MAGI2: variants seen among roughly 807,000 people sequenced by gnomAD.
MAGI2 encodes membrane associated guanylate kinase, WW and PDZ domain containing 2.
A neutral mutation model predicts 133.3 loss-of-function variants in MAGI2; 35 were observed. The observed-to-expected ratio is 0.26, with a 90% CI of 0.20 to 0.35. The LOEUF (loss-of-function observed/expected upper bound fraction) is 0.35. MAGI2 is among the 10% of genes least tolerant of loss of function. The pLI, the probability that MAGI2 is intolerant of heterozygous loss-of-function variation, is 1.00. For synonymous variants in MAGI2, 729 were observed against 710.6 expected (o/e 1.03, Z -0.41); for missense variants, 1,636 against 1,863.4 (o/e 0.88, Z 2.25).
intron 2 of MAGI2, among the ~76,000 whole-genome samples, chr7:78,911,068 C>G (rs1798364804): frequency 6.6e-6 from 1 of 152,160 alleles, no homozygotes; most frequent in Non-Finnish European, 1.5e-5. Context: ...TCTGCTTTTG[C>G]TTCCCTTGTC....
chr7:78,521,195 T>G (rs1409320720), intron 4 of MAGI2, among the ~76,000 whole-genome samples: 1 of 136,236 alleles, frequency 7.3e-6, no homozygotes, highest in African/African-American at 3.0e-5. Flanking sequence ...AAAATGTTTT[T>G]GGCATATTCT....
intron 1 of MAGI2, among the ~76,000 whole-genome samples, chr7:79,253,674 T>C (rs1471165362): frequency 6.6e-6 from 1 of 152,082 alleles, no homozygotes; most frequent in African/African-American, 2.4e-5. Context: ...TTTAAAACTG[T>C]TAACATTTAC....
chr7:78,064,303 G>A (rs758246550), intron 21 of MAGI2, among the ~76,000 whole-genome samples: 6 of 150,474 alleles, frequency 4.0e-5, no homozygotes, highest in Non-Finnish European at 8.9e-5. Flanking sequence ...TTTGTAGATA[G>A]CTTCAAGGAA....
intron 1 of MAGI2, among the ~76,000 whole-genome samples, chr7:79,316,165 A>G (rs1157816777): frequency 6.6e-6 from 1 of 152,154 alleles, no homozygotes; most frequent in Non-Finnish European, 1.5e-5. Context: ...TATGGTAGTT[A>G]GATGGATGTC....
At chr7:78,280,471 A>G (rs892015088) in intron 9 of MAGI2, among the ~76,000 whole-genome samples, 1 of 152,202 alleles carries the variant, frequency 6.6e-6, no homozygotes, top group Non-Finnish European at 1.5e-5. Context: ...AATTCCTGGC[A>G]GCTGGTTATC....
Position 78,037,482 on chromosome 7 carries a change from G to T in MAGI2, c.3707-17506C>A, listed in dbSNP as rs920374934. On this transcript the variant is annotated intron_variant, in intron 21 of 21. Transcript: ENST00000354212. ...ATTTTTATTTCTGCGAACAGTCCCA[G>T]AATTCCTTCCTAAAAACAAACTGAT... 4.6e-5 allele frequency among the ~76,000 whole-genome samples: 7 copies of T among 152,184 alleles called. No individual in the cohort carries two copies. The East Asian group carries it at 1.3e-3, about 29-fold the overall frequency.
At chr7:78,493,872 CA>C (rs1793848655) in intron 5 of MAGI2, among the ~76,000 whole-genome samples, 1 of 152,144 alleles carries the variant, frequency 6.6e-6, no homozygotes, top group African/African-American at 2.4e-5. Context: ...TGCATAGAGA[CA>C]AAAGAGAGCA....
At chr7:79,025,965 T>C (rs2116743925) in intron 1 of MAGI2, among the ~76,000 whole-genome samples, 1 of 152,338 alleles carries the variant, frequency 6.6e-6, no homozygotes, top group East Asian at 1.9e-4. Flanking sequence ...TGACTTTTAC[T>C]GAATTATAAA....
intron 6 of MAGI2, among the ~76,000 whole-genome samples, chr7:78,446,535 C>G (rs1216137597): frequency 3.3e-5 from 5 of 152,046 alleles, no homozygotes; most frequent in Non-Finnish European, 7.4e-5. Context: ...GATACATCAT[C>G]AGGCAACCTT....
intron 10 of MAGI2, among the ~76,000 whole-genome samples, chr7:78,219,698 T>C (rs6952480): frequency 0.28 from 42,156 of 152,070 alleles, 6,646 homozygotes; most frequent in Admixed American, 0.35. Context: ...CATGGTGCTA[T>C]AGCAAACCAT....
At chr7:78,573,284 T>TAAATATA (rs1563188890) in intron 3 of MAGI2, among the ~76,000 whole-genome samples, 5 of 26,856 alleles carry the variant, frequency 1.9e-4, no homozygotes, top group Non-Finnish European at 2.9e-4. Context: ...ATATATATAT[T>TAAATATA]TATATAAATA....
intron 2 of MAGI2, among the ~76,000 whole-genome samples, chr7:78,856,633 T>C (rs532931029): frequency 5.9e-5 from 9 of 152,282 alleles, no homozygotes; most frequent in South Asian, 4.1e-4. Context: ...GTACCAGTAC[T>C]ATGCTGTTTT....
At chr7:78,267,551 A>AT (rs1249761506) in intron 9 of MAGI2, among the ~76,000 whole-genome samples, 1 of 152,202 alleles carries the variant, frequency 6.6e-6, no homozygotes, top group Non-Finnish European at 1.5e-5. Context: ...TACACCAAGG[A>AT]TTGCCAATTA....
At chr7:78,724,183 C>T (rs1463245842) in intron 2 of MAGI2, among the ~76,000 whole-genome samples, 1 of 152,096 alleles carries the variant, frequency 6.6e-6, no homozygotes, top group African/African-American at 2.4e-5. Context: ...GAGTCAGGGG[C>T]ACAGCATAGT....
At chr7:78,316,269 G>C (rs985352011) in intron 9 of MAGI2, among the ~76,000 whole-genome samples, 2 of 152,178 alleles carry the variant, frequency 1.3e-5, no homozygotes, top group African/African-American at 4.8e-5. Context: ...TTTTAGCCCA[G>C]TAATAAAACT....
intron 7 of MAGI2, among the ~76,000 whole-genome samples, chr7:78,349,169 G>A (rs74733589): frequency 0.043 from 6,475 of 152,224 alleles, 179 homozygotes; most frequent in South Asian, 0.13. Flanking sequence ...CCTAGATTGT[G>A]TACTTCTATA....
At chr7:79,214,963 T>A (rs1477952134) in intron 1 of MAGI2, among the ~76,000 whole-genome samples, 1 of 149,722 alleles carries the variant, frequency 6.7e-6, no homozygotes, top group Non-Finnish European at 1.5e-5. Context: ...ATATAAACTT[T>A]ATTTTTGGTT....
intron 1 of MAGI2, among the ~76,000 whole-genome samples, chr7:79,367,858 C>CACACACACACACACACACATATATATAT: frequency 1.1e-5 from 1 of 87,114 alleles, no homozygotes; most frequent in East Asian, 3.8e-4. Flanking sequence ...ATATATGTGA[C>CACACACACACACACACACATATATATAT]ATATATATAT....
intron 10 of MAGI2, among the ~76,000 whole-genome samples, chr7:78,250,977 A>C (rs1563327368): frequency 6.6e-6 from 1 of 152,182 alleles, no homozygotes; most frequent in Admixed American, 6.5e-5. Context: ...CAGATTAAAA[A>C]ATCTTTAACA....
Sources: gnomAD v4.1 joint callset for allele counts (sites outside exome capture counted in the v4.1 genomes callset) on GRCh38, gnomAD v4.1.1 for gene constraint, MANE v1.5 for transcripts, NCBI Gene and HGNC (gene_info 2026-07-23, HGNC 2026-07-21) for gene names.